ZNF780A: variants seen among roughly 807,000 people sequenced by gnomAD.
ZNF780A encodes the protein zinc finger protein 780A.
ZNF780A carries 40 observed loss-of-function variants against 56.7 expected under a neutral mutation model. That is an observed-to-expected ratio of 0.71 (90% CI 0.55 to 0.92). ZNF780A has a LOEUF of 0.92. ZNF780A is among the 40% of genes least tolerant of loss of function. The pLI is 0.00. For synonymous variants in ZNF780A, 231 were observed against 248.3 expected (o/e 0.93, Z 0.66); for missense variants, 672 against 783.3 (o/e 0.86, Z 1.70).
intron 2 of ZNF780A, among the ~76,000 whole-genome samples, chr19:40,088,678 T>C (rs929778651): frequency 6.6e-6 from 1 of 152,194 alleles, no homozygotes; most frequent in African/African-American, 2.4e-5. Context: ...GAAATCTGTA[T>C]GTCAAAGAGA....
chr19:40,073,947 G>T lies in ZNF780A; in HGVS notation c.*569C>A. The stretch of plus-strand genomic sequence containing the variant: ...CCTTACATTATAGCGTTTCTCACCA[G>T]TATGAATTTTAACATGTTGAACAAT... On this transcript the variant is annotated 3_prime_UTR_variant, in exon 6 of 6. Transcript: ENST00000683561. 1 of 1,042,520 alleles carries T rather than the reference G, an allele frequency of 9.6e-7. No homozygotes were observed. The highest frequency in any genetic ancestry group is 1.2e-6 in the Non-Finnish European group (1 of 861,916). 64.6% of individuals were successfully genotyped at this position (1,042,520 alleles called of 1,614,324 possible).
At chr19:40,088,098 T>C (rs1974920134) in intron 2 of ZNF780A, among the ~76,000 whole-genome samples, 1 of 152,176 alleles carries the variant, frequency 6.6e-6, no homozygotes, top group East Asian at 1.9e-4. Context: ...GAAACTGATC[T>C]GAGCAATGAT....
rs149588682 is a variant in ZNF780A, at chr19:40,075,540, T to C, written c.902A>G (p.Asn301Ser). Reference sequence around the variant, plus strand: ...TTCCTTACATACAAAGGGTTTCTCATTGGAATGAATTTTCTGATGCTGAAT... The same window carrying C: ...TTCCTTACATACAAAGGGTTTCTCACTGGAATGAATTTTCTGATGCTGAAT... The part of the protein sequence containing the change: ...HLIQHQKIHS[N>S]EKPFVCKECG... Residue 301 changes from asparagine (N) to serine (S), a missense_variant, in exon 6 of 6, where the codon AAT becomes AGT. Transcript: ENST00000683561. 3.0e-5 allele frequency: 49 copies of C among 1,612,594 alleles called. No individual in the cohort carries two copies. The highest frequency in any genetic ancestry group is 3.3e-4 in the Middle Eastern group (2 of 6,046).
chr19:40,079,870 T>C (rs985885878), intron 5 of ZNF780A, among the ~76,000 whole-genome samples: 1 of 151,898 alleles, frequency 6.6e-6, no homozygotes, highest in Non-Finnish European at 1.5e-5. Flanking sequence ...AACACCTACA[T>C]TGAAAAAGCA....
chr19:40,072,042 T>G (rs1973835757), downstream of ZNF780A: 1 of 155,658 alleles, frequency 6.4e-6, no homozygotes, highest in Non-Finnish European at 1.4e-5. Flanking sequence ...TCAATCTCTG[T>G]ATCTTTAACC....
chr19:40,072,798 G>A, downstream of ZNF780A: 1 of 1,461,090 alleles, frequency 6.8e-7, no homozygotes. Flanking sequence ...TTAAGCCTCT[G>A]TAGCTTTACT....
Position 40,075,802 on chromosome 19 carries a change from A to C in ZNF780A, c.640T>G (p.Phe214Val), listed in dbSNP as rs1203177973. 1.9e-6 allele frequency: 3 copies of C among 1,612,398 alleles called. No individual in the cohort carries two copies. Among genetic ancestry groups the C allele is most frequent in the Non-Finnish European group, 2.5e-6 (3 of 1,179,632 alleles). ...TCAAAAGGTTTCTCACCAGTATGAA[A>C]TTTCTGATGTCGAGTAAATTGTATG... ...LHIQFTRHQK[F>V]HTGEKPFECN... Residue 214 changes from phenylalanine (F) to valine (V), a missense_variant, in exon 6 of 6, where the codon TTT (phenylalanine) becomes GTT (valine). Coordinates refer to ENST00000683561, the MANE Select transcript of ZNF780A (RefSeq NM_001142578.2).
chr19:40,084,472 C>T (rs1008681994), intron 3 of ZNF780A, among the ~76,000 whole-genome samples: 5 of 152,170 alleles, frequency 3.3e-5, no homozygotes, highest in African/African-American at 1.2e-4. Context: ...GGACTGATTC[C>T]TCCACTGTTC....
At chr19:40,090,133 C>G (rs1975071574) in intron 2 of ZNF780A, 33 bp downstream of exon 2, 1 of 152,140 alleles carries the variant, frequency 6.6e-6, no homozygotes, top group Admixed American at 6.5e-5. Context: ...ATCAAAAACG[C>G]ATGTCTTGAA....
At chr19:40,089,922 G>A (rs940727938) in intron 2 of ZNF780A, among the ~76,000 whole-genome samples, 2 of 152,096 alleles carry the variant, frequency 1.3e-5, no homozygotes. Context: ...CCAAATATGG[G>A]TCTAAAATGG....
downstream of ZNF780A, chr19:40,070,236 A>C (rs1400615002): frequency 3.9e-5 from 6 of 152,226 alleles, no homozygotes; most frequent in Non-Finnish European, 5.9e-5. Context: ...TAGACAACAG[A>C]TTAAATACTG....
chr19:40,074,332 C>T lies in ZNF780A; in HGVS notation c.*184G>A. The T allele has an allele frequency of 1.3e-6, 2 of 1,520,514 alleles. No homozygotes were observed. The highest frequency in any genetic ancestry group is 2.7e-5 in the South Asian group (2 of 73,398). 94.2% of individuals were successfully genotyped at this position (1,520,514 alleles called of 1,614,324 possible). On this transcript the variant is annotated 3_prime_UTR_variant, in exon 6 of 6. Coordinates refer to ENST00000683561, the MANE Select transcript of ZNF780A (RefSeq NM_001142578.2). ...AGTGGTAATGATATCTAAAGGTCGT[C>T]CTCCACTCCTTGCATACAAAGAGTT...
chr19:40,080,829 A>T (rs560468386), intron 5 of ZNF780A, among the ~76,000 whole-genome samples: 1 of 152,278 alleles, frequency 6.6e-6, no homozygotes, highest in African/African-American at 2.4e-5. Context: ...CCTAAAATAA[A>T]AGTTGGAAAA....
At position 40,074,369 on chromosome 19, in the gene ZNF780A, TG is replaced by T; in HGVS notation, c.*146del. 2 of 1,533,884 alleles carry T rather than the reference TG, an allele frequency of 1.3e-6. No individual in the cohort carries two copies. Among genetic ancestry groups the T allele is most frequent in the Non-Finnish European group, 1.7e-6 (2 of 1,145,554 alleles). On this transcript the variant is annotated 3_prime_UTR_variant, in exon 6 of 6. Coordinates refer to ENST00000683561, the MANE Select transcript of ZNF780A (RefSeq NM_001142578.2). Reference sequence around the variant, plus strand: ...GCATACAAAGAGTTTCTCACTGGAATGAATTTTCTGATGCTGAATAACGTTT... The same window carrying T: ...GCATACAAAGAGTTTCTCACTGGAATAATTTTCTGATGCTGAATAACGTTT...
chr19:40,084,051 C>A (rs1282100361), intron 3 of ZNF780A, among the ~76,000 whole-genome samples: 1 of 151,594 alleles, frequency 6.6e-6, no homozygotes, highest in Non-Finnish European at 1.5e-5. Context: ...AGGTGCGCAC[C>A]ACCACAACAG....
intron 3 of ZNF780A, among the ~76,000 whole-genome samples, 173 bp from the exon 4 acceptor site, chr19:40,083,410 G>A (rs1174332699): frequency 6.6e-6 from 1 of 152,188 alleles, no homozygotes; most frequent in Non-Finnish European, 1.5e-5. Flanking sequence ...TATGCCTATA[G>A]TCCCAGCACT....
chr19:40,076,490 T>A (rs1323460071), intron 5 of ZNF780A, among the ~76,000 whole-genome samples: 1 of 152,224 alleles, frequency 6.6e-6, no homozygotes, highest in Middle Eastern at 3.2e-3. Context: ...TTGAAACATA[T>A]TGATATGTTC....
In ZNF780A at chr19:40,076,106, G is replaced by T. The variant is rs772707848; in HGVS notation, c.336C>A (p.Gly112=). 3.1e-6 allele frequency: 5 copies of T among 1,613,622 alleles called. No homozygotes were observed. The South Asian group carries it at 5.5e-5, about 18-fold the overall frequency. The change falls in exon 6 of 6, where the codon GGC becomes GGA. Residue 112 remains glycine, a synonymous_variant. Coordinates refer to ENST00000683561, the MANE Select transcript of ZNF780A (RefSeq NM_001142578.2). ...CATTTCTAAAATAAAAGGCCTCAAT[G>T]CCAAGAGTTGTACTTATTTGCTTTA... ...QVIKQISTTL[G]IEAFYFRNDS...
At chr19:40,072,964 A>C (rs1568440888), downstream of ZNF780A, 3 of 1,539,868 alleles carry the variant, frequency 1.9e-6, no homozygotes, top group Non-Finnish European at 2.6e-6. Context: ...GATGGTTTGG[A>C]AGCCAATGAA....
Sources: gnomAD v4.1 joint callset for allele counts (sites outside exome capture counted in the v4.1 genomes callset) on GRCh38, gnomAD v4.1.1 for gene constraint, MANE v1.5 for transcripts, NCBI Gene and HGNC (gene_info 2026-07-23, HGNC 2026-07-21) for gene names.